SLC13A1: variants seen among roughly 807,000 people sequenced by gnomAD.
The protein encoded by SLC13A1 is Na(+)/sulfate cotransporter.
SLC13A1 carries 65 observed loss-of-function variants against 70.0 expected under a neutral mutation model. The ratio of observed to expected loss-of-function variants is 0.93; its 90% confidence interval spans 0.76 to 1.14. SLC13A1 has a LOEUF of 1.14. Ranked by LOEUF, SLC13A1 falls within the 50% of genes most tolerant of loss-of-function variation. SLC13A1 has a pLI of 0.00. For synonymous variants in SLC13A1, 275 were observed against 250.5 expected (o/e 1.10, Z -0.92); for missense variants, 726 against 717.8 (o/e 1.01, Z -0.13).
At chr7:123,119,012 A>G in intron 13 of SLC13A1, 69 bp downstream of exon 13, 1 of 1,405,410 alleles carries the variant, frequency 7.1e-7, no homozygotes, top group Admixed American at 2.0e-5. Flanking sequence ...CCACAACATG[A>G]AAACCAGCAT....
intron 8 of SLC13A1, among the ~76,000 whole-genome samples, chr7:123,132,776 GA>G (rs978994596): frequency 2.0e-5 from 3 of 151,556 alleles, no homozygotes; most frequent in African/African-American, 4.8e-5. Flanking sequence ...TGTTTTTCAG[GA>G]AAAAAAATAC....
At chr7:123,159,129 C>G (rs1479709021) in intron 6 of SLC13A1, among the ~76,000 whole-genome samples, 2 of 151,764 alleles carry the variant, frequency 1.3e-5, no homozygotes, top group Non-Finnish European at 2.9e-5. Flanking sequence ...AAGCGATGGT[C>G]TAAGTTAAAA....
In SLC13A1 at chr7:123,115,580, T is replaced by G; in HGVS notation, c.1726A>C (p.Met576Leu). ...GAAGGGTAAGTGTAGAGGTCAAACA[T>G]GGGTACAATCCAAGTACATATGCCA... ...MLGICTWIVP[M>L]FDLYTYPSWA... Residue 576 changes from methionine to leucine, a missense_variant, in exon 15 of 15, where the codon ATG becomes CTG. Met to Leu is a conservative substitution (Grantham distance 15). Coordinates refer to ENST00000194130, the MANE Select transcript of SLC13A1 (RefSeq NM_022444.4). 1 of 1,613,908 alleles carries G rather than the reference T, an allele frequency of 6.2e-7. No individual in the cohort carries two copies. The highest frequency in any genetic ancestry group is 8.5e-7 in the Non-Finnish European group (1 of 1,179,858).
At chr7:123,194,553 A>T (rs1585415306) in intron 1 of SLC13A1, among the ~76,000 whole-genome samples, 1 of 152,090 alleles carries the variant, frequency 6.6e-6, no homozygotes, top group African/African-American at 2.4e-5. Flanking sequence ...GTTGGCATTT[A>T]AAAAATAGTA....
intron 14 of SLC13A1, among the ~76,000 whole-genome samples, chr7:123,116,976 T>G (rs1219770975): frequency 6.6e-6 from 1 of 152,184 alleles, no homozygotes; most frequent in Non-Finnish European, 1.5e-5. Context: ...TTGCTTGTGT[T>G]TTCACGTTAG....
chr7:123,128,986 A>T, intron 9 of SLC13A1, 40 bp from the exon 10 acceptor site: 6 of 1,360,608 alleles, frequency 4.4e-6, no homozygotes, highest in Non-Finnish European at 6.3e-6. Context: ...TTATTTTCTC[A>T]GTCGGGACAT....
At position 123,168,382 on chromosome 7, in the gene SLC13A1, A is replaced by T. The variant is rs1415227366; in HGVS notation, c.652T>A (p.Leu218Met). The T allele has an allele frequency of 6.3e-7, 1 of 1,578,460 alleles. No individual in the cohort carries two copies. Among genetic ancestry groups the T allele is most frequent in the Non-Finnish European group, 8.7e-7 (1 of 1,153,120 alleles). The change falls in exon 6 of 15, where the codon TTG becomes ATG. Residue 218 changes from leucine (L) to methionine (M), a missense_variant. Coordinates refer to ENST00000194130, the MANE Select transcript of SLC13A1 (RefSeq NM_022444.4). ...DTGKISSKVE[L>M]EKNSGMRTKY... ...GAATCAAATTTATGTACCTTTTCCA[A>T]CTCCACCTTGCTTGAAATTTTCCCT...
Position 123,119,170 on chromosome 7 carries a change from GA to G in SLC13A1, c.1422del (p.Leu475Ter). On this transcript the variant is annotated frameshift_variant, in exon 13 of 15. Coordinates refer to ENST00000194130, the MANE Select transcript of SLC13A1 (RefSeq NM_022444.4). LOFTEE classifies it high-confidence loss of function. The part of the protein sequence containing the change: ...PLGSLPAWLI[I>X]LISSLMVTSL... The stretch of plus-strand genomic sequence containing the variant: ...GATGTCACCATCAAAGAAGATATCA[GA>G]ATTATTAGCCATGCTGGTAATGAAC... The G allele has an allele frequency of 6.2e-7, 1 of 1,612,598 alleles. No homozygotes were observed. The highest frequency in any genetic ancestry group is 8.5e-7 in the Non-Finnish European group (1 of 1,179,068).
At chr7:123,123,361 A>T (rs1048430934) in intron 11 of SLC13A1, 126 bp from the exon 12 acceptor site, 1 of 619,078 alleles carries the variant, frequency 1.6e-6, no homozygotes, top group African/African-American at 1.8e-5. Context: ...TAAAGAGGGG[A>T]ATTAATCTGG....
intron 2 of SLC13A1, 116 bp from the exon 3 acceptor site, chr7:123,172,020 T>A (rs1052380776): frequency 1.6e-5 from 14 of 901,056 alleles, no homozygotes; most frequent in Admixed American, 2.8e-5. Flanking sequence ...AATCTTTCCA[T>A]TTTGTTGAGA....
At chr7:123,186,041 A>G (rs1795785443) in intron 1 of SLC13A1, among the ~76,000 whole-genome samples, 2 of 152,060 alleles carry the variant, frequency 1.3e-5, no homozygotes, top group Admixed American at 6.6e-5. Flanking sequence ...GCAGGAAAGC[A>G]TTCTTTCCCT....
At chr7:123,154,304 G>A (rs1036832305) in intron 6 of SLC13A1, among the ~76,000 whole-genome samples, 1 of 152,070 alleles carries the variant, frequency 6.6e-6, no homozygotes, top group African/African-American at 2.4e-5. Flanking sequence ...TACCATACAT[G>A]TGGAGTATGC....
intron 2 of SLC13A1, among the ~76,000 whole-genome samples, chr7:123,178,596 T>A (rs531896396): frequency 1.1e-4 from 17 of 152,258 alleles, no homozygotes; most frequent in Admixed American, 3.9e-4. Context: ...TCATAATCAG[T>A]GATAAATATC....
chr7:123,125,562 A>G lies in SLC13A1; in HGVS notation c.1240+7T>C. ...AAATTTATGCAGAATTATAAATGAT[A>G]CTCAACCAATTTCTCCTGTAGGTGT... On this transcript the variant is annotated splice_region_variant and intron_variant, in intron 11 of 14. Coordinates refer to ENST00000194130, the MANE Select transcript of SLC13A1 (RefSeq NM_022444.4). 6.3e-7 allele frequency: 1 copy of G among 1,578,690 alleles called. No individual in the cohort carries two copies. The highest frequency in any genetic ancestry group is 2.2e-5 in the East Asian group (1 of 44,646).
chr7:123,116,110 T>C (rs1222303772), intron 14 of SLC13A1, among the ~76,000 whole-genome samples: 7 of 152,226 alleles, frequency 4.6e-5, no homozygotes, highest in Non-Finnish European at 1.0e-4. Context: ...ATATGGCAAC[T>C]GTATCTTTTA....
chr7:123,117,656 C>G, intron 13 of SLC13A1, 48 bp from the exon 14 acceptor site: 1 of 1,300,034 alleles, frequency 7.7e-7, no homozygotes, highest in Admixed American at 2.4e-5. Flanking sequence ...TGAGGGTAGA[C>G]ACGAAACATA....
At chr7:123,166,467 A>G (rs182841299) in intron 6 of SLC13A1, among the ~76,000 whole-genome samples, 131 of 152,184 alleles carry the variant, frequency 8.6e-4, no homozygotes, top group African/African-American at 3.1e-3. Context: ...ATATGTATAC[A>G]TGTGCCATGT....
chr7:123,118,776 C>G (rs1002054408), intron 13 of SLC13A1, among the ~76,000 whole-genome samples: 9 of 152,042 alleles, frequency 5.9e-5, no homozygotes, highest in Admixed American at 6.6e-5. Context: ...ACACTGAATT[C>G]CAAGTCTTAC....
At chr7:123,139,718 A>G (rs546735104) in intron 7 of SLC13A1, among the ~76,000 whole-genome samples, 221 of 152,024 alleles carry the variant, frequency 1.5e-3, no homozygotes, top group Non-Finnish European at 2.6e-3. Context: ...CTGATTATTC[A>G]CTGTTGGTAT....
Sources: allele counts gnomAD v4.1 joint callset (sites outside exome capture counted in the v4.1 genomes callset), GRCh38; gene constraint gnomAD v4.1.1; transcripts MANE v1.5; gene names NCBI Gene and HGNC (gene_info 2026-07-23, HGNC 2026-07-21).